Variants in SYNE1 observed in about 807,000 individuals in gnomAD.
SYNE1 encodes the protein nesprin-1.
A neutral mutation model predicts 1,111.0 loss-of-function variants in SYNE1; 616 were observed. The observed-to-expected ratio is 0.55, with a 90% CI of 0.52 to 0.59. SYNE1 has a LOEUF of 0.59. SYNE1 is among the 20% of genes least tolerant of loss of function. The pLI, the probability that SYNE1 is intolerant of heterozygous loss-of-function variation, is 0.00. For synonymous variants in SYNE1, 3,855 were observed against 3,825.8 expected (o/e 1.01, Z -0.28); for missense variants, 10,006 against 10,417.0 (o/e 0.96, Z 1.72).
intron 74 of SYNE1, among the ~76,000 whole-genome samples, chr6:152,340,578 G>C (rs1309292472): frequency 6.6e-6 from 1 of 152,164 alleles, no homozygotes; most frequent in East Asian, 1.9e-4. Context: ...TAGGAGCAAA[G>C]TCACCATCTC....
chr6:152,525,398 T>C (rs533223433), intron 5 of SYNE1, among the ~76,000 whole-genome samples: 10 of 152,300 alleles, frequency 6.6e-5, no homozygotes, highest in African/African-American at 1.9e-4. Context: ...TTTTTCCAAA[T>C]TATGGTAAAC....
chr6:152,387,460 C>T (rs1407382906), intron 53 of SYNE1, 79 bp from the exon 54 acceptor site: 6 of 1,442,406 alleles, frequency 4.2e-6, no homozygotes, highest in Non-Finnish European at 5.8e-6. Flanking sequence ...GTCGTGACAT[C>T]CATGCCAATT....
At chr6:152,586,988 C>T (rs112067413) in intron 3 of SYNE1, among the ~76,000 whole-genome samples, 131 of 152,206 alleles carry the variant, frequency 8.6e-4, no homozygotes, top group Non-Finnish European at 1.3e-3. Flanking sequence ...AGAACATTCT[C>T]CACATCTACA....
At chr6:152,263,639 T>A (rs1434366807) in intron 100 of SYNE1, among the ~76,000 whole-genome samples, 1 of 151,758 alleles carries the variant, frequency 6.6e-6, no homozygotes, top group African/African-American at 2.4e-5. Flanking sequence ...ACTCAGATGA[T>A]CCTCCTGCCT....
chr6:152,471,838 C>A, intron 15 of SYNE1, 73 bp from the exon 16 acceptor site: 2 of 1,459,786 alleles, frequency 1.4e-6, no homozygotes, highest in South Asian at 2.3e-5. Context: ...TAACCTGTTA[C>A]ATGTCAGCCT....
intron 41 of SYNE1, among the ~76,000 whole-genome samples, chr6:152,416,000 C>T (rs1377983394): frequency 6.6e-6 from 1 of 152,004 alleles, no homozygotes; most frequent in African/African-American, 2.4e-5. Flanking sequence ...GGCTTCAACA[C>T]TTAAAGGGGA....
intron 122 of SYNE1, 116 bp downstream of exon 122, chr6:152,214,790 G>C: frequency 7.1e-7 from 1 of 1,399,712 alleles, no homozygotes; most frequent in Non-Finnish European, 1.0e-6. Context: ...CCAGAACTGT[G>C]AGACTGTTCA....
At chr6:152,509,186 A>G (rs2099072584) in intron 8 of SYNE1, among the ~76,000 whole-genome samples, 1 of 150,546 alleles carries the variant, frequency 6.6e-6, no homozygotes, top group South Asian at 2.1e-4. Flanking sequence ...TCAACTGAAA[A>G]CTCCATTGAA....
intron 3 of SYNE1, among the ~76,000 whole-genome samples, chr6:152,578,171 G>C (rs1267212753): frequency 1.3e-5 from 2 of 152,030 alleles, no homozygotes; most frequent in Non-Finnish European, 2.9e-5. Context: ...TTTTCAAAAA[G>C]TTTTTAAATT....
At chr6:152,236,049 GC>G (rs1255634257) in intron 110 of SYNE1, 57 bp downstream of exon 110, 5 of 1,568,206 alleles carry the variant, frequency 3.2e-6, no homozygotes, top group Admixed American at 3.3e-5. Flanking sequence ...ACCCGCACTA[GC>G]CTTATTAATA....
chr6:152,278,836 T>C (rs554397208), intron 97 of SYNE1, among the ~76,000 whole-genome samples: 19 of 152,120 alleles, frequency 1.2e-4, no homozygotes, highest in African/African-American at 4.6e-4. Context: ...GGCATGAACA[T>C]GGCTCACTGC....
At chr6:152,173,028 ACAG>A (rs1162642110) in intron 130 of SYNE1, among the ~76,000 whole-genome samples, 2 of 152,246 alleles carry the variant, frequency 1.3e-5, no homozygotes, top group African/African-American at 4.8e-5. Flanking sequence ...TGTATTACAT[ACAG>A]CAGATCTAGA....
rs794727674 is a variant in SYNE1, at chr6:152,409,648, C to G, written c.6292G>C (p.Val2098Leu). 6.2e-7 allele frequency: 1 copy of G among 1,613,846 alleles called. No homozygotes were observed. Among genetic ancestry groups the G allele is most frequent in the Admixed American group, 1.7e-5 (1 of 60,006 alleles). The part of the protein sequence containing the change: ...MREYQNLKSA[V>L]SKVLENASSV... ...CTGGCATTTTCTAAGACTTTAGATA[C>G]AGCTGATTTCAGGTTCTGATATTCT... is the stretch of plus-strand genomic sequence containing the variant. Residue 2098 changes from valine (V) to leucine (L), a missense_variant, in exon 43 of 146, where the codon GTA (valine) becomes CTA (leucine). Val to Leu is a conservative substitution (Grantham distance 32). Transcript: ENST00000367255.
chr6:152,463,662 T>C (rs2154267857), intron 18 of SYNE1, 145 bp from the exon 19 acceptor site: 2 of 785,510 alleles, frequency 2.5e-6, no homozygotes, highest in Non-Finnish European at 4.3e-6. Context: ...AAAATGCACA[T>C]TTTTGATAAA....
chr6:152,550,260 C>T (rs1232955462), intron 3 of SYNE1, among the ~76,000 whole-genome samples: 1 of 144,098 alleles, frequency 6.9e-6, no homozygotes, highest in Non-Finnish European at 1.5e-5. Context: ...AGTTTGGTCT[C>T]ATGTGGTGGG....
Position 152,413,450 on chromosome 6 carries a change from T to A in SYNE1, c.6132A>T (p.Gln2044His). The A allele has an allele frequency of 6.2e-7, 1 of 1,614,152 alleles. No individual in the cohort carries two copies. Among genetic ancestry groups the A allele is most frequent in the Non-Finnish European group, 8.5e-7 (1 of 1,180,026 alleles). Residue 2044 changes from glutamine to histidine, a missense_variant, in exon 42 of 146, where the codon CAA becomes CAT. Coordinates refer to ENST00000367255, the MANE Select transcript of SYNE1 (RefSeq NM_182961.4). The stretch of plus-strand genomic sequence containing the variant: ...CAAAAGCTACATCTTTCTGGGCAAT[T>A]TGCTTGGCTTTGTCTTTCAACCAAC... ...ELCWLKDKAKQIAQKDVAFAP... is the reference protein window; with the variant it reads ...ELCWLKDKAKHIAQKDVAFAP...
chr6:152,211,667 T>G (rs1447802229), intron 123 of SYNE1, 79 bp from the exon 124 acceptor site: 3 of 1,307,272 alleles, frequency 2.3e-6, no homozygotes, highest in Non-Finnish European at 3.3e-6. Context: ...TTCCAAATAT[T>G]CTAGTTTTCG....
chr6:152,220,438 GA>G (rs1352271527), intron 119 of SYNE1, among the ~76,000 whole-genome samples: 1 of 152,172 alleles, frequency 6.6e-6, no homozygotes, highest in Non-Finnish European at 1.5e-5. Context: ...TATCTTAGAT[GA>G]AACTATTGTG....
intron 3 of SYNE1, among the ~76,000 whole-genome samples, chr6:152,619,048 A>ACACT (rs2099669008): frequency 5.9e-5 from 2 of 33,640 alleles, no homozygotes. Context: ...TGTGAGAATC[A>ACACT]CACACACACA....
Sources: allele counts gnomAD v4.1 joint callset (sites outside exome capture counted in the v4.1 genomes callset), GRCh38; gene constraint gnomAD v4.1.1; transcripts MANE v1.5; gene names NCBI Gene and HGNC (gene_info 2026-07-23, HGNC 2026-07-21).